The following TANC2 variants were observed in gnomAD, a reference collection of about 807,000 sequenced individuals.
The protein encoded by TANC2 is protein TANC2.
Under a neutral mutation model 210.5 loss-of-function variants are expected in TANC2, and 26 were observed. That is an observed-to-expected ratio of 0.12 (90% CI 0.09 to 0.17). TANC2 has a LOEUF of 0.17. Among genes scored for constraint, TANC2 ranks in the 10% least tolerant of loss-of-function variants. The probability of loss-of-function intolerance (pLI) is 1.00; values close to 1 mark genes in which losing one functional copy is unlikely to be tolerated. For missense variants in TANC2, 2,129 were observed against 2,608.9 expected (o/e 0.82, Z 4.01); for synonymous variants, 931 against 967.1 (o/e 0.96, Z 0.69).
rs375240907 is a variant in TANC2, at chr17:63,412,435, C to T, written c.3899-245C>T. Among the ~76,000 whole-genome samples, 20 of 152,254 alleles carry T rather than the reference C, an allele frequency of 1.3e-4. No individual in the cohort carries two copies. The highest frequency in any genetic ancestry group is 4.8e-4 in the African/African-American group (20 of 41,554). On this transcript the variant is annotated intron_variant, in intron 23 of 27. Coordinates refer to ENST00000689528, the Ensembl canonical transcript of TANC2. The surrounding 1 kb of genome is among the most constrained non-coding windows in gnomAD (Gnocchi z 4.2). ...TGTTCCAGCCCCACTCTATCAGCAT[C>T]CTGGATCTCTGCGCTGCCGTGAGCC...
intron 8 of TANC2, among the ~76,000 whole-genome samples, chr17:63,243,418 T>C (rs976414453): frequency 1.3e-5 from 2 of 152,214 alleles, no homozygotes; most frequent in Non-Finnish European, 2.9e-5. Context: ...AAATAAAGTT[T>C]TATCAGTTTT....
In TANC2 at chr17:63,256,228, A is replaced by C. The variant is rs149458755; in HGVS notation, c.1034-11520A>C. ...TGGCCTCTACCTTTTTTATGTAGGC[A>C]CTTATTGCTGTAAATTTTCCTCTTA... On this transcript the variant is annotated intron_variant, in intron 8 of 27. Transcript: ENST00000689528. Among the ~76,000 whole-genome samples, 335 of 152,162 alleles carry C rather than the reference A, an allele frequency of 2.2e-3. 3 individuals carry two copies. Among genetic ancestry groups the C allele is most frequent in the African/African-American group, 7.9e-3 (330 of 41,538 alleles).
At chr17:63,182,581 G>A (rs1209485804) in intron 5 of TANC2, 1 of 217,634 alleles carries the variant, frequency 4.6e-6, no homozygotes, top group Non-Finnish European at 9.6e-6. Context: ...CAGAAGCTGA[G>A]GAACAGTCAT....
At chr17:63,363,200 C>T (rs1481621206) in intron 14 of TANC2, among the ~76,000 whole-genome samples, 1 of 152,138 alleles carries the variant, frequency 6.6e-6, no homozygotes, top group East Asian at 1.9e-4. Context: ...ATTTTTAAAT[C>T]ATATTATTAG....
chr17:63,291,340 C>A (rs2044377043), intron 9 of TANC2, among the ~76,000 whole-genome samples: 1 of 152,204 alleles, frequency 6.6e-6, no homozygotes, highest in Non-Finnish European at 1.5e-5. Context: ...TTCCCCTAGC[C>A]TTCCTGTTCT....
intron 2 of TANC2, among the ~76,000 whole-genome samples, chr17:63,073,439 T>G (rs2036467767): frequency 2.0e-5 from 3 of 152,144 alleles, no homozygotes; most frequent in African/African-American, 7.2e-5. Flanking sequence ...TAAAATAAAC[T>G]CAAGATTTAT....
intron 2 of TANC2, among the ~76,000 whole-genome samples, chr17:63,060,042 G>A (rs566104429): frequency 2.0e-4 from 30 of 152,256 alleles, no homozygotes; most frequent in African/African-American, 6.5e-4. Flanking sequence ...CAGTATTACA[G>A]AATTTTTACT....
At chr17:63,015,903 C>T (rs1477870680) in intron 2 of TANC2, among the ~76,000 whole-genome samples, 1 of 150,322 alleles carries the variant, frequency 6.7e-6, no homozygotes, top group Non-Finnish European at 1.5e-5. Context: ...TTCAAATACG[C>T]TTCTTTGAGT....
At chr17:63,349,211 T>A (rs1272078336) in intron 12 of TANC2, among the ~76,000 whole-genome samples, 5 of 152,188 alleles carry the variant, frequency 3.3e-5, no homozygotes, top group African/African-American at 1.2e-4. Flanking sequence ...AAATAATATA[T>A]CATCTACTTT....
At chr17:63,199,344 C>T (rs547957476) in intron 6 of TANC2, among the ~76,000 whole-genome samples, 17 of 151,964 alleles carry the variant, frequency 1.1e-4, no homozygotes, top group African/African-American at 1.5e-4. Flanking sequence ...AAATGTTGGC[C>T]GGGTGTAGTG....
At position 62,966,364 on chromosome 17, in the gene TANC2, G is replaced by A. The variant is rs545793524; in HGVS notation, c.-409G>A. 1.4e-5 allele frequency among the ~76,000 whole-genome samples: 2 copies of A among 147,220 alleles called. No homozygotes were observed. Among genetic ancestry groups the A allele is most frequent in the African/African-American group, 4.9e-5 (2 of 40,954 alleles). Reference sequence around the variant, plus strand: ...AAGCTGCGAGCGCTCCGAGCGCCCGGCCTAGGGCCGCTGGCGCTGCCCTCC... The same window carrying A: ...AAGCTGCGAGCGCTCCGAGCGCCCGACCTAGGGCCGCTGGCGCTGCCCTCC... On this transcript the variant is annotated 5_prime_UTR_variant, in exon 1 of 28. Transcript: ENST00000689528. The surrounding 1 kb of genome is among the most constrained non-coding windows in gnomAD (Gnocchi z 5.1).
rs139280630 is a variant in TANC2 at position 63,004,059 on chromosome 17, A to G, written c.-23-5478A>G. 7.2e-4 allele frequency among the ~76,000 whole-genome samples: 109 copies of G among 152,318 alleles called. 1 individual carries two copies. In the East Asian group the frequency reaches 0.017, roughly 24 times the overall value. On this transcript the variant is annotated intron_variant, in intron 1 of 27. Coordinates refer to ENST00000689528, the Ensembl canonical transcript of TANC2. The stretch of plus-strand genomic sequence containing the variant: ...AAATCAGAAAGCCACTATAAAACCC[A>G]TGAAGTCTTCATTTGATGCTCAGAA...
chr17:63,221,787 A>G (rs1404455628), intron 7 of TANC2, among the ~76,000 whole-genome samples: 4 of 152,250 alleles, frequency 2.6e-5, no homozygotes, highest in Non-Finnish European at 5.9e-5. Context: ...GAATTTTCAG[A>G]CACTGCTGGT....
At chr17:63,140,996 T>C (rs553129966) in intron 4 of TANC2, among the ~76,000 whole-genome samples, 11 of 151,980 alleles carry the variant, frequency 7.2e-5, no homozygotes, top group African/African-American at 2.4e-4. Flanking sequence ...GTGATTCACC[T>C]GCCTTGGCCT....
intron 3 of TANC2, among the ~76,000 whole-genome samples, chr17:63,098,431 T>TAC (rs67245738): frequency 0.045 from 4,194 of 93,112 alleles, 115 homozygotes; most frequent in Middle Eastern, 0.081. Context: ...GGCCTTAGAC[T>TAC]ACACACACAC....
intron 2 of TANC2, among the ~76,000 whole-genome samples, chr17:63,040,583 C>T (rs2035148344): frequency 6.6e-6 from 1 of 152,096 alleles, no homozygotes; most frequent in African/African-American, 2.4e-5. Flanking sequence ...TTGTAACCAT[C>T]ATCTATGGGA....
At chr17:63,062,946 T>C (rs571195942) in intron 2 of TANC2, among the ~76,000 whole-genome samples, 3 of 152,236 alleles carry the variant, frequency 2.0e-5, no homozygotes, top group South Asian at 2.1e-4. Flanking sequence ...TCAAATCCCA[T>C]TGGTTAAGGG....
At chr17:63,392,107 C>T (rs192491604) in intron 17 of TANC2, among the ~76,000 whole-genome samples, 1 of 152,278 alleles carries the variant, frequency 6.6e-6, no homozygotes, top group East Asian at 1.9e-4. Context: ...CACTGAGATC[C>T]TCTGGTCTTC....
intron 12 of TANC2, among the ~76,000 whole-genome samples, chr17:63,347,193 TGTA>T (rs1438827491): frequency 6.6e-6 from 1 of 152,214 alleles, no homozygotes; most frequent in Non-Finnish European, 1.5e-5. Context: ...ATAGATAAAT[TGTA>T]GTACATTCAT....
Sources: gnomAD v4.1 joint callset for allele counts (sites outside exome capture counted in the v4.1 genomes callset) on GRCh38, gnomAD v4.1.1 for gene constraint, Gnocchi (gnomAD v3.1) non-coding constraint, MANE v1.5 for transcripts, NCBI Gene and HGNC (gene_info 2026-07-23, HGNC 2026-07-21) for gene names.